Variants in CLSTN1 observed in about 807,000 individuals in gnomAD.
CLSTN1 encodes calsyntenin-1.
Under a neutral mutation model 108.3 loss-of-function variants are expected in CLSTN1, and 28 were observed. The observed-to-expected ratio is 0.26, with a 90% CI of 0.19 to 0.35. The LOEUF is 0.35. CLSTN1 is among the 10% of genes least tolerant of loss of function. CLSTN1 has a pLI of 1.00. For missense variants in CLSTN1, 1,157 were observed against 1,302.6 expected (o/e 0.89, Z 1.72); for synonymous variants, 524 against 534.9 (o/e 0.98, Z 0.28).
intron 2 of CLSTN1, among the ~76,000 whole-genome samples, chr1:9,766,836 G>A (rs1171488306): frequency 6.6e-6 from 1 of 152,184 alleles, no homozygotes; most frequent in Non-Finnish European, 1.5e-5. Flanking sequence ...AAACAATCCG[G>A]GCGAGACTGG....
chr1:9,769,795 C>A (rs971480265), intron 2 of CLSTN1, among the ~76,000 whole-genome samples: 1 of 152,094 alleles, frequency 6.6e-6, no homozygotes, highest in Admixed American at 6.5e-5. Flanking sequence ...ATAATCCCAG[C>A]ATTTTGGGAA....
At chr1:9,778,937 CG>C (rs2101181758) in intron 1 of CLSTN1, among the ~76,000 whole-genome samples, 1 of 151,758 alleles carries the variant, frequency 6.6e-6, no homozygotes, top group Admixed American at 6.6e-5. Context: ...GCAGGAGAAT[CG>C]CTTGAACCCA....
intron 5 of CLSTN1, among the ~76,000 whole-genome samples, chr1:9,751,115 T>C (rs1438592815): frequency 2.0e-5 from 3 of 150,774 alleles, no homozygotes; most frequent in African/African-American, 4.9e-5. Flanking sequence ...GAACAGAAAA[T>C]GAGACAAACT....
At chr1:9,806,012 G>C (rs560291499) in intron 1 of CLSTN1, among the ~76,000 whole-genome samples, 2 of 152,022 alleles carry the variant, frequency 1.3e-5, no homozygotes, top group East Asian at 1.9e-4. Flanking sequence ...ACATATGGCT[G>C]AGCACGGTGG....
At chr1:9,751,075 C>T (rs1651537397) in intron 5 of CLSTN1, among the ~76,000 whole-genome samples, 1 of 151,536 alleles carries the variant, frequency 6.6e-6, no homozygotes, top group Admixed American at 6.6e-5. Context: ...AAAAAAAAAC[C>T]ACAAAAACAA....
intron 1 of CLSTN1, among the ~76,000 whole-genome samples, chr1:9,811,239 C>T (rs1432298593): frequency 6.6e-6 from 1 of 152,084 alleles, no homozygotes; most frequent in African/African-American, 2.4e-5. Flanking sequence ...GTGGTACTTA[C>T]TCCAATTTAG....
At chr1:9,797,149 G>A (rs1377209476) in intron 1 of CLSTN1, among the ~76,000 whole-genome samples, 1 of 152,176 alleles carries the variant, frequency 6.6e-6, no homozygotes, top group Admixed American at 6.6e-5. Flanking sequence ...CAGGAATTCT[G>A]TTAAAACCTT....
Position 9,766,817 on chromosome 1 carries a change from A to T in CLSTN1, c.214+6455T>A, listed in dbSNP as rs141155110. 9.1e-3 allele frequency among the ~76,000 whole-genome samples: 1,380 copies of T among 152,338 alleles called. 27 individuals carry two copies. Among genetic ancestry groups the T allele is most frequent in the African/African-American group, 0.032 (1,313 of 41,574 alleles). On this transcript the variant is annotated intron_variant, in intron 2 of 18. Coordinates refer to ENST00000377298, the MANE Select transcript of CLSTN1 (RefSeq NM_001009566.3). Reference sequence around the variant, plus strand: ...TACCAAGACTCTGTATCAGAATTTCACCCCAAGGAAACAATCCGGGCGAGA... The same window carrying T: ...TACCAAGACTCTGTATCAGAATTTCTCCCCAAGGAAACAATCCGGGCGAGA...
Position 9,755,266 on chromosome 1 carries a change from A to G in CLSTN1, c.288T>C (p.Phe96=). The part of the protein sequence containing the change: ...GFKIHGQNVP[F]DAVVVDKSTG... ...TGGATTTATCCACTACCACTGCATC[A>G]AAGGGGACATTCTGCCCGTGAATTT... The change falls in exon 4 of 19, where the codon TTT becomes TTC. Residue 96 remains phenylalanine (F), a synonymous_variant. Coordinates refer to ENST00000377298, the MANE Select transcript of CLSTN1 (RefSeq NM_001009566.3). The G allele has an allele frequency of 6.2e-7, 1 of 1,613,840 alleles. No individual in the cohort carries two copies. The highest frequency in any genetic ancestry group is 2.2e-5 in the East Asian group (1 of 44,872).
chr1:9,761,904 C>T (rs1652092436), intron 2 of CLSTN1, among the ~76,000 whole-genome samples: 1 of 152,188 alleles, frequency 6.6e-6, no homozygotes, highest in Non-Finnish European at 1.5e-5. Context: ...ACTCATGGAA[C>T]TGACTGTAGG....
intron 1 of CLSTN1, among the ~76,000 whole-genome samples, chr1:9,800,511 A>T (rs1654212667): frequency 6.8e-6 from 1 of 146,730 alleles, no homozygotes; most frequent in South Asian, 2.2e-4. Flanking sequence ...CGAGGTCAGG[A>T]GATCAAGACC....
rs964532482 is a variant in CLSTN1 at position 9,823,543 on chromosome 1, TCCCGCACCCGGACCCGAATC to T, written c.91+80_91+99del. On this transcript the variant is annotated intron_variant, in intron 1 of 18. Transcript: ENST00000377298. This position sits in a 1 kb window ranked among gnomAD's most constrained non-coding sequence, Gnocchi z 6.3. Reference sequence around the variant, plus strand: ...CTCGAATCCCGGCATCCGGCCCTACTCCCGCACCCGGACCCGAATCCCCGCACCGGGACCCGAATCCTGCA... The same window carrying T: ...CTCGAATCCCGGCATCCGGCCCTACTCCCGCACCGGGACCCGAATCCTGCA... 3.3e-4 allele frequency: 249 copies of T among 744,844 alleles called. No individual in the cohort carries two copies. The highest frequency in any genetic ancestry group is 4.0e-4 in the Non-Finnish European group (236 of 585,728). The allele number at this position is 744,844 out of a possible 1,614,324, so 46.1% of individuals were successfully genotyped here.
intron 2 of CLSTN1, among the ~76,000 whole-genome samples, chr1:9,769,856 C>A (rs1218321870): frequency 6.6e-6 from 1 of 152,048 alleles, no homozygotes; most frequent in Non-Finnish European, 1.5e-5. Context: ...CGGTGAAACC[C>A]CATCTCTACT....
chr1:9,730,322 C>T lies in CLSTN1; in HGVS notation c.*186G>A, dbSNP rs549502337. The T allele has an allele frequency of 6.4e-4, 419 of 651,418 alleles. No individual in the cohort carries two copies. In the East Asian group the frequency reaches 0.01, roughly 16 times the overall value. 40.4% of individuals were successfully genotyped at this position (651,418 alleles called of 1,614,324 possible). ...CAGCTCCTCGTGGGACTGAAGAGCG[C>T]GACCAGGCAGAGGGTGGGCGGGGAG... On this transcript the variant is annotated 3_prime_UTR_variant, in exon 19 of 19. Coordinates refer to ENST00000377298, the MANE Select transcript of CLSTN1 (RefSeq NM_001009566.3). The surrounding 1 kb of genome is among the most constrained non-coding windows in gnomAD (Gnocchi z 5.6).
At chr1:9,767,450 CAGG>C (rs1363092194) in intron 2 of CLSTN1, among the ~76,000 whole-genome samples, 1 of 151,078 alleles carries the variant, frequency 6.6e-6, no homozygotes, top group Non-Finnish European at 1.5e-5. Flanking sequence ...GAGGCTGAGG[CAGG>C]AGAATTGCTT....
rs1435827466 is a variant in CLSTN1, at chr1:9,734,303, A to G, written c.2111-161T>C. 1.3e-5 allele frequency among the ~76,000 whole-genome samples: 2 copies of G among 152,186 alleles called. No individual in the cohort carries two copies. Among genetic ancestry groups the G allele is most frequent in the African/African-American group, 4.8e-5 (2 of 41,458 alleles). ...TTGCTTTCAAGAAACGGCTGGGCGC[A>G]GTGGCTCACGCCTGTAATCCCAGCA... On this transcript the variant is annotated intron_variant, in intron 14 of 18. Coordinates refer to ENST00000377298, the MANE Select transcript of CLSTN1 (RefSeq NM_001009566.3). The surrounding 1 kb of genome is among the most constrained non-coding windows in gnomAD (Gnocchi z 4.8).
chr1:9,792,849 T>C (rs1653827982), intron 1 of CLSTN1, among the ~76,000 whole-genome samples: 1 of 151,274 alleles, frequency 6.6e-6, no homozygotes, highest in Non-Finnish European at 1.5e-5. Context: ...CAGCTGTTCA[T>C]GTGTGAATGT....
At chr1:9,769,727 C>T (rs1652573751) in intron 2 of CLSTN1, among the ~76,000 whole-genome samples, 1 of 152,060 alleles carries the variant, frequency 6.6e-6, no homozygotes, top group Non-Finnish European at 1.5e-5. Context: ...TTCTAAAACT[C>T]AATGAGCTGT....
intron 1 of CLSTN1, among the ~76,000 whole-genome samples, chr1:9,785,034 C>A (rs974532795): frequency 6.6e-6 from 1 of 150,544 alleles, no homozygotes. Context: ...CTCTGTCACC[C>A]AGGCTGAAGT....
Sources: allele counts gnomAD v4.1 joint callset (sites outside exome capture counted in the v4.1 genomes callset), GRCh38; gene constraint gnomAD v4.1.1; non-coding constraint Gnocchi (gnomAD v3.1); transcripts MANE v1.5; gene names NCBI Gene and HGNC (gene_info 2026-07-23, HGNC 2026-07-21).